The following MECR variants were observed in gnomAD, a reference collection of about 807,000 sequenced individuals.
MECR encodes the protein enoyl-[acyl-carrier-protein] reductase, mitochondrial.
MECR carries 37 observed loss-of-function variants against 49.1 expected under a neutral mutation model. The ratio of observed to expected loss-of-function variants is 0.75; its 90% CI spans 0.58 to 0.99. MECR has a LOEUF of 0.99. Ranked by LOEUF, MECR falls within the 50% of genes least tolerant of loss-of-function variation. The pLI, the probability that MECR is intolerant of heterozygous loss-of-function variation, is 0.00. For missense variants in MECR, 470 were observed against 479.6 expected (o/e 0.98, Z 0.19); for synonymous variants, 198 against 191.1 (o/e 1.04, Z -0.30).
chr1:29,209,713 G>A (rs893043716), intron 3 of MECR, among the ~76,000 whole-genome samples: 2 of 152,200 alleles, frequency 1.3e-5, no homozygotes, highest in African/African-American at 2.4e-5. Context: ...TGGAGTCAGA[G>A]AGACTCCAGC....
chr1:29,214,465 G>T (rs1221043757), intron 3 of MECR, among the ~76,000 whole-genome samples: 3 of 151,598 alleles, frequency 2.0e-5, no homozygotes, highest in Non-Finnish European at 4.4e-5. Context: ...GAGTTCAAGA[G>T]ATTCTCCTGC....
chr1:29,197,544 G>A (rs959361852), intron 7 of MECR, among the ~76,000 whole-genome samples: 1 of 152,146 alleles, frequency 6.6e-6, no homozygotes, highest in African/African-American at 2.4e-5. Flanking sequence ...CCACTCCCTG[G>A]CTCTTCTAGG....
chr1:29,223,088 A>C (rs1681164448), intron 1 of MECR: 1 of 985,320 alleles, frequency 1.0e-6, no homozygotes, highest in African/African-American at 1.7e-5. Context: ...TTTGGAGTAC[A>C]AATGAGGCAC....
At chr1:29,181,519 A>T in the MECR span, 1 of 767,826 alleles carries the variant, frequency 1.3e-6, no homozygotes, top group Non-Finnish European at 1.9e-6. Context: ...CGCCGCCACT[A>T]TGGCGGAGCC....
At chr1:29,211,100 T>TG (rs576443526) in intron 3 of MECR, among the ~76,000 whole-genome samples, 66 of 151,430 alleles carry the variant, frequency 4.4e-4, no homozygotes, top group Non-Finnish European at 7.8e-4. Context: ...TTTTTTTTTT[T>TG]TTGTTTTGAG....
At chr1:29,188,765 G>A (rs1472695353), downstream of MECR, among the ~76,000 whole-genome samples, 11 of 151,266 alleles carry the variant, frequency 7.3e-5, no homozygotes, top group Admixed American at 2.0e-4. Context: ...TCAGCCTCCC[G>A]AGTAGCTGGG....
chr1:29,177,584 T>TG, the MECR span, among the ~76,000 whole-genome samples: 2 of 151,744 alleles, frequency 1.3e-5, no homozygotes, highest in Admixed American at 1.3e-4. Context: ...GCCAGGCCCT[T>TG]GCAGTGACTC....
chr1:29,196,119 A>T (rs773998005), intron 8 of MECR, 79 bp downstream of exon 8: 6 of 1,600,804 alleles, frequency 3.7e-6, no homozygotes, highest in Non-Finnish European at 5.1e-6. Context: ...AAGCTTAGAC[A>T]GCTGTCGTGC....
At chr1:29,229,305 C>T (rs1200484195) in intron 1 of MECR, among the ~76,000 whole-genome samples, 2 of 151,854 alleles carry the variant, frequency 1.3e-5, no homozygotes, top group Non-Finnish European at 2.9e-5. Flanking sequence ...TGGGTTCAAG[C>T]GGTTCTCCTG....
Position 29,206,743 on chromosome 1 carries a change from C to T in MECR, c.550+19G>A. On this transcript the variant is annotated intron_variant, in intron 4 of 9. Coordinates refer to ENST00000263702, the MANE Select transcript of MECR (RefSeq NM_016011.5). ...AGTTGCGAGACCCTGGCCTGCTCCC[C>T]CAACCTGTGGGTTCCTACCTGGCTG... The T allele has an allele frequency of 6.2e-7, 1 of 1,613,656 alleles. No homozygotes were observed. The highest frequency in any genetic ancestry group is 8.5e-7 in the Non-Finnish European group (1 of 1,179,732).
intron 1 of MECR, chr1:29,221,029 G>T: frequency 4.1e-6 from 2 of 493,732 alleles, no homozygotes; most frequent in South Asian, 8.8e-5. Context: ...CAGATACTGT[G>T]CCAAGGGGTT....
At chr1:29,178,297 G>A in the MECR span, among the ~76,000 whole-genome samples, 1 of 150,664 alleles carries the variant, frequency 6.6e-6, no homozygotes, top group African/African-American at 2.4e-5. Context: ...CTGAACTCCA[G>A]CAATTCTTCA....
chr1:29,184,492 G>A, the MECR span, among the ~76,000 whole-genome samples: 14 of 152,244 alleles, frequency 9.2e-5, no homozygotes, highest in Admixed American at 9.2e-4. Context: ...GGTGGTTCAC[G>A]CCTGTAATCC....
the MECR span, among the ~76,000 whole-genome samples, chr1:29,176,166 T>G: frequency 6.6e-6 from 1 of 151,982 alleles, no homozygotes; most frequent in African/African-American, 2.4e-5. Flanking sequence ...GCAGGAGAAT[T>G]GCTTGAACCC....
intron 1 of MECR, among the ~76,000 whole-genome samples, chr1:29,218,674 C>T (rs997217838): frequency 6.6e-6 from 1 of 152,164 alleles, no homozygotes. Context: ...AGGTCGAGAC[C>T]AGCCTGGTCA....
In MECR at chr1:29,216,028, A is replaced by C; in HGVS notation, c.383T>G (p.Val128Gly). The change falls in exon 3 of 10, where the codon GTG becomes GGG. Residue 128 changes from valine (V) to glycine (G), a missense_variant. Transcript: ENST00000263702. ...ACCTAAACCAGCATTTGCTGGAATC[A>C]CCCAGTCTCCTGGCTTCAGCCCGGT... ...NVTGLKPGDW[V>G]IPANAGLGTW... is the part of the protein sequence containing the mutation. The C allele has an allele frequency of 6.2e-7, 1 of 1,614,062 alleles. No homozygotes were observed.
rs149345007 is a variant in MECR, at chr1:29,210,349, A to G, written c.407-3444T>C. ...TTATAGAAGGCTGTGTCAATCCTAGAGTAGGTCTATGGCTGAGAAAATAAG... is the reference window on the plus strand; with the variant it reads ...TTATAGAAGGCTGTGTCAATCCTAGGGTAGGTCTATGGCTGAGAAAATAAG... On this transcript the variant is annotated intron_variant, in intron 3 of 9. Transcript: ENST00000263702. Among the ~76,000 whole-genome samples, 173 of 152,198 alleles carry G rather than the reference A, an allele frequency of 1.1e-3. 2 individuals are homozygous for G. The highest frequency in any genetic ancestry group is 0.01 in the Middle Eastern group (3 of 294).
At chr1:29,206,468 G>T (rs1298832989) in intron 4 of MECR, among the ~76,000 whole-genome samples, 1 of 152,170 alleles carries the variant, frequency 6.6e-6, no homozygotes, top group Non-Finnish European at 1.5e-5. Flanking sequence ...TTGTATCCCA[G>T]AGCTTAGCCC....
chr1:29,174,823 G>A, the MECR span, among the ~76,000 whole-genome samples: 12 of 151,608 alleles, frequency 7.9e-5, no homozygotes, highest in East Asian at 1.2e-3. Flanking sequence ...ACAGGCGTGC[G>A]CCATCATGCC....
Sources: allele counts gnomAD v4.1 joint callset (sites outside exome capture counted in the v4.1 genomes callset), GRCh38; gene constraint gnomAD v4.1.1; transcripts MANE v1.5; gene names NCBI Gene and HGNC (gene_info 2026-07-23, HGNC 2026-07-21).